MAP3K4: variants seen among roughly 807,000 people sequenced by gnomAD.
The protein encoded by MAP3K4 is MAP three kinase 1.
In MAP3K4, 67 loss-of-function variants were observed where a neutral mutation model predicts 185.6. That is an observed-to-expected ratio of 0.36 (90% CI 0.30 to 0.44). The LOEUF is 0.44. Ranked by LOEUF, MAP3K4 falls within the 20% of genes least tolerant of loss-of-function variation. MAP3K4 has a pLI of 1.00. For missense variants in MAP3K4, 1,551 were observed against 1,995.1 expected (o/e 0.78, Z 4.24); for synonymous variants, 702 against 710.4 (o/e 0.99, Z 0.19).
In MAP3K4 at chr6:160,996,280, G is replaced by A. The variant is rs564593272; in HGVS notation, c.152+4197G>A. ...GAGTCACCAAACAGCAGTGATGGCA[G>A]AAACTTCATGTTTTCAACTGGGGAC... is the stretch of plus-strand genomic sequence containing the variant. On this transcript the variant is annotated intron_variant, in intron 1 of 26. Coordinates refer to ENST00000392142, the MANE Select transcript of MAP3K4 (RefSeq NM_005922.4). The surrounding 1 kb of genome is among the most constrained non-coding windows in gnomAD (Gnocchi z 4.5). Among the ~76,000 whole-genome samples, 57 of 152,304 alleles carry A rather than the reference G, an allele frequency of 3.7e-4. No homozygotes were observed. Among genetic ancestry groups the A allele is most frequent in the Non-Finnish European group, 8.8e-5 (6 of 68,036 alleles).
At chr6:161,085,120 TG>T (rs1349121545) in intron 7 of MAP3K4, among the ~76,000 whole-genome samples, 1 of 149,368 alleles carries the variant, frequency 6.7e-6, no homozygotes, top group Non-Finnish European at 1.5e-5. Context: ...CACTCCAGCC[TG>T]GGTGACAGAG....
intron 2 of MAP3K4, among the ~76,000 whole-genome samples, chr6:161,041,912 C>CTTTTTTTTTTGTTTTTT (rs1783474960): frequency 1.6e-5 from 1 of 64,046 alleles, no homozygotes; most frequent in Non-Finnish European, 2.8e-5. Flanking sequence ...GTTATTGTTT[C>CTTTTTTTTTTGTTTTTT]TTTTTTTTTT....
At chr6:161,023,721 G>A (rs756372313) in intron 1 of MAP3K4, among the ~76,000 whole-genome samples, 3 of 152,222 alleles carry the variant, frequency 2.0e-5, no homozygotes, top group Admixed American at 6.5e-5. Context: ...AGTTTTGGCA[G>A]TCACTGTTTT....
chr6:161,020,447 T>G (rs1428053659), intron 1 of MAP3K4, among the ~76,000 whole-genome samples: 1 of 151,864 alleles, frequency 6.6e-6, no homozygotes, highest in African/African-American at 2.4e-5. Context: ...ATCACAAGGT[T>G]AGGAGATTGA....
intron 1 of MAP3K4, among the ~76,000 whole-genome samples, chr6:161,013,990 C>G (rs546576672): frequency 2.2e-4 from 33 of 152,286 alleles, no homozygotes; most frequent in African/African-American, 7.9e-4. Context: ...TGAACCCTGC[C>G]TCTGGAGTCC....
intron 6 of MAP3K4, among the ~76,000 whole-genome samples, chr6:161,083,022 C>A (rs1785531178): frequency 6.6e-6 from 1 of 152,150 alleles, no homozygotes; most frequent in South Asian, 2.1e-4. Context: ...CCTTCTAGAC[C>A]CTCCTGTCCT....
In MAP3K4 at chr6:161,089,358, C is replaced by T. The variant is rs1387404378; in HGVS notation, c.2860C>T (p.His954Tyr). 7 of 1,614,156 alleles carry T rather than the reference C, an allele frequency of 4.3e-6. No individual in the cohort carries two copies. The highest frequency in any genetic ancestry group is 5.9e-6 in the Non-Finnish European group (7 of 1,180,028). The change falls in exon 11 of 27, where the codon CAT becomes TAT. Residue 954 changes from histidine to tyrosine, a missense_variant. This residue lies in a region of MAP3K4 where 261 missense variants were observed against 306.5 expected (regional missense o/e 0.85). Coordinates refer to ENST00000392142, the MANE Select transcript of MAP3K4 (RefSeq NM_005922.4). ...NLLLVVMQSA[H>Y]LTIQRKAFQQ... is the part of the protein sequence containing the mutation. ...TTTACTAGTTGTCATGCAGTCTGCG[C>T]ATCTCACAATTCAGAGAAAAGCTTT... is the stretch of plus-strand genomic sequence containing the variant.
rs909255424 is a variant in MAP3K4, at chr6:161,107,280, G to A, written c.4048+575G>A. Among the ~76,000 whole-genome samples, 1 of 152,098 alleles carries A rather than the reference G, an allele frequency of 6.6e-6. No homozygotes were observed. The highest frequency in any genetic ancestry group is 6.6e-5 in the Admixed American group (1 of 15,252). ...TCTGTCACACATCTAGGTCTGAAGGGGGCGAACACAGTTGTATGAATAATA... is the reference window on the plus strand; with the variant it reads ...TCTGTCACACATCTAGGTCTGAAGGAGGCGAACACAGTTGTATGAATAATA... On this transcript the variant is annotated intron_variant, in intron 20 of 26. Coordinates refer to ENST00000392142, the MANE Select transcript of MAP3K4 (RefSeq NM_005922.4). This position sits in a 1 kb window ranked among gnomAD's most constrained non-coding sequence, Gnocchi z 6.2.
Position 161,080,828 on chromosome 6 carries a change from T to C in MAP3K4, c.2098-53T>C. ...ATGTGTAGCTTTCAGGTGAGAGCGC[T>C]GAGTTGCCAAGTTCTACTTTCAAAT... On this transcript the variant is annotated intron_variant, in intron 5 of 26. Coordinates refer to ENST00000392142, the MANE Select transcript of MAP3K4 (RefSeq NM_005922.4). This position sits in a 1 kb window ranked among gnomAD's most constrained non-coding sequence, Gnocchi z 4.8. 1 of 1,552,308 alleles carries C rather than the reference T, an allele frequency of 6.4e-7. No homozygotes were observed. Among genetic ancestry groups the C allele is most frequent in the Non-Finnish European group, 8.8e-7 (1 of 1,132,386 alleles).
In MAP3K4 at chr6:161,101,653, A is replaced by G. The variant is rs1024114518; in HGVS notation, c.3675-239A>G. 3 of 397,706 alleles carry G rather than the reference A, an allele frequency of 7.5e-6. No individual in the cohort carries two copies. The highest frequency in any genetic ancestry group is 1.4e-5 in the Non-Finnish European group (3 of 218,926). 24.6% of individuals were successfully genotyped at this position (397,706 alleles called of 1,614,324 possible). On this transcript the variant is annotated intron_variant, in intron 17 of 26. Coordinates refer to ENST00000392142, the MANE Select transcript of MAP3K4 (RefSeq NM_005922.4). The surrounding 1 kb of genome is among the most constrained non-coding windows in gnomAD (Gnocchi z 5.1). The stretch of plus-strand genomic sequence containing the variant: ...TAACAGACTCCAGAGGACGGTCTCC[A>G]CAGCAGCGCTGTTCACTTAGGGGGC...
intron 1 of MAP3K4, among the ~76,000 whole-genome samples, chr6:161,016,498 T>C (rs977867025): frequency 1.3e-5 from 2 of 152,230 alleles, no homozygotes; most frequent in Non-Finnish European, 2.9e-5. Context: ...GATCTTCTAT[T>C]CATTTTGAAT....
rs945139257 is a variant in MAP3K4, at chr6:161,114,287, C to T, written c.4627-836C>T. 3.3e-5 allele frequency among the ~76,000 whole-genome samples: 5 copies of T among 152,074 alleles called. No individual in the cohort carries two copies. Among genetic ancestry groups the T allele is most frequent in the Admixed American group, 1.3e-4 (2 of 15,274 alleles). On this transcript the variant is annotated intron_variant, in intron 25 of 26. Coordinates refer to ENST00000392142, the MANE Select transcript of MAP3K4 (RefSeq NM_005922.4). The surrounding 1 kb of genome is among the most constrained non-coding windows in gnomAD (Gnocchi z 4.3). ...GCAGTTATACAAATGTAAAAAGACA[C>T]GCATGAACTGCACATGGTAGCTTAC...
chr6:161,031,049 A>G (rs1022255609), intron 1 of MAP3K4, among the ~76,000 whole-genome samples: 1 of 152,180 alleles, frequency 6.6e-6, no homozygotes, highest in Admixed American at 6.5e-5. Flanking sequence ...TCTTATTTTA[A>G]TATTTTGTTT....
chr6:161,117,141 C>T lies in MAP3K4; in HGVS notation c.*271C>T, dbSNP rs1019662086. On this transcript the variant is annotated 3_prime_UTR_variant, in exon 27 of 27. Coordinates refer to ENST00000392142, the MANE Select transcript of MAP3K4 (RefSeq NM_005922.4). ...CATCGCCTCTGTCTCCTCCGTGTCT[C>T]GCGCGACTGAGAACCGTGACATCAG... The T allele has an allele frequency of 2.3e-5, 10 of 442,870 alleles. No individual in the cohort carries two copies. The highest frequency in any genetic ancestry group is 1.6e-4 in the Admixed American group (4 of 25,224). The allele number at this position is 442,870 out of a possible 1,614,324, so 27.4% of individuals were successfully genotyped here. A position where few individuals can be genotyped will look rare whatever the true frequency, so the allele number is the denominator to read the frequency against.
In MAP3K4 at chr6:161,102,887, C is replaced by T; in HGVS notation, c.3856+108C>T. On this transcript the variant is annotated intron_variant, in intron 19 of 26. Coordinates refer to ENST00000392142, the MANE Select transcript of MAP3K4 (RefSeq NM_005922.4). ...TTGATTTAGCTTCTGAATTATTAGG[C>T]CTCCTCCATTACTATTTTGTGATCT... 1.1e-5 allele frequency: 7 copies of T among 655,080 alleles called. No homozygotes were observed. In the South Asian group the frequency reaches 1.6e-4, roughly 15 times the overall value. 40.6% of individuals were successfully genotyped at this position (655,080 alleles called of 1,614,324 possible). A position where few individuals can be genotyped will look rare whatever the true frequency, so the allele number is the denominator to read the frequency against.
intron 1 of MAP3K4, among the ~76,000 whole-genome samples, chr6:161,016,032 A>G (rs1018938791): frequency 2.0e-5 from 3 of 152,156 alleles, no homozygotes; most frequent in Non-Finnish European, 4.4e-5. Context: ...TGATTTCTCC[A>G]TATCTTTGTC....
At position 161,022,863 on chromosome 6, in the gene MAP3K4, C is replaced by T. The variant is rs116965839; in HGVS notation, c.153-11396C>T. Reference sequence around the variant, plus strand: ...AAGATGAAATGAGACTGTATGATATCGAGCATAGTACTTACCAAGCATGGT... The same window carrying T: ...AAGATGAAATGAGACTGTATGATATTGAGCATAGTACTTACCAAGCATGGT... On this transcript the variant is annotated intron_variant, in intron 1 of 26. Transcript: ENST00000392142. The surrounding 1 kb of genome is among the most constrained non-coding windows in gnomAD (Gnocchi z 4.2). 7.4e-4 allele frequency among the ~76,000 whole-genome samples: 113 copies of T among 152,232 alleles called. No individual in the cohort carries two copies. Among genetic ancestry groups the T allele is most frequent in the Middle Eastern group, 3.4e-3 (1 of 294 alleles).
chr6:161,044,597 C>G (rs780132373), intron 2 of MAP3K4, among the ~76,000 whole-genome samples: 22 of 152,168 alleles, frequency 1.4e-4, no homozygotes, highest in Admixed American at 6.5e-4. Context: ...AGAGGCCTAA[C>G]TGGTCATCAG....
Position 161,077,867 on chromosome 6 carries a change from G to A in MAP3K4, c.2098-3014G>A, listed in dbSNP as rs942040976. The stretch of plus-strand genomic sequence containing the variant: ...CTTTGCAAACTAAGGGAAAGAGATG[G>A]GAAAAAAATATATATATGTATTAAT... On this transcript the variant is annotated intron_variant, in intron 5 of 26. Coordinates refer to ENST00000392142, the MANE Select transcript of MAP3K4 (RefSeq NM_005922.4). This position sits in a 1 kb window ranked among gnomAD's most constrained non-coding sequence, Gnocchi z 4.3. Among the ~76,000 whole-genome samples the A allele has an allele frequency of 1.3e-5, 2 of 151,812 alleles. No individual in the cohort carries two copies. The highest frequency in any genetic ancestry group is 2.4e-5 in the African/African-American group (1 of 41,294).
Sources: gnomAD v4.1 joint callset for allele counts (sites outside exome capture counted in the v4.1 genomes callset) on GRCh38, gnomAD v4.1.1 for gene constraint, gnomAD v4.1.1 regional missense constraint, Gnocchi (gnomAD v3.1) non-coding constraint, MANE v1.5 for transcripts, NCBI Gene and HGNC (gene_info 2026-07-23, HGNC 2026-07-21) for gene names.